The following MDFIC variants were observed in gnomAD, a reference collection of about 807,000 sequenced individuals.
MDFIC encodes MyoD family inhibitor domain containing, also known as myoD family inhibitor domain-containing protein.
MDFIC carries 17 observed loss-of-function variants against 23.2 expected under a neutral mutation model. That is an observed-to-expected ratio of 0.73 (90% CI 0.50 to 1.10). The LOEUF is 1.10. Among genes scored for constraint, MDFIC ranks in the 50% least tolerant of loss-of-function variants. The pLI is 0.00. For synonymous variants in MDFIC, 120 were observed against 115.2 expected (o/e 1.04, Z -0.27); for missense variants, 356 against 316.6 (o/e 1.12, Z -0.95).
At chr7:115,007,991 C>T (rs1382307792) in intron 4 of MDFIC, among the ~76,000 whole-genome samples, 1 of 151,566 alleles carries the variant, frequency 6.6e-6, no homozygotes, top group African/African-American at 2.4e-5. Flanking sequence ...AACTACCGCA[C>T]CCCAGCCTAA....
At chr7:114,983,308 T>C (rs7776532) in intron 4 of MDFIC, among the ~76,000 whole-genome samples, 66,461 of 152,090 alleles carry the variant, frequency 0.44, 14,761 homozygotes, top group Middle Eastern at 0.47. Flanking sequence ...TATCAACAAC[T>C]GGAATAACAT....
intron 4 of MDFIC, among the ~76,000 whole-genome samples, chr7:115,007,068 C>T (rs1449721500): frequency 6.6e-6 from 1 of 152,214 alleles, no homozygotes; most frequent in Non-Finnish European, 1.5e-5. Flanking sequence ...CTTCACTCCT[C>T]TGCAAATTCT....
chr7:114,988,465 G>A (rs183091100), intron 4 of MDFIC, among the ~76,000 whole-genome samples: 9 of 152,256 alleles, frequency 5.9e-5, no homozygotes, highest in East Asian at 5.8e-4. Context: ...AAGTTTGTTC[G>A]TGAGGGATTC....
intron 2 of MDFIC, among the ~76,000 whole-genome samples, chr7:114,936,203 A>G (rs1414744326): frequency 6.6e-6 from 1 of 152,106 alleles, no homozygotes; most frequent in Admixed American, 6.6e-5. Context: ...TGCAGAGTAA[A>G]ACTTGGTGAG....
rs369407740 is a variant in MDFIC, at chr7:114,968,470, C to T, written c.218-11036C>T. Among the ~76,000 whole-genome samples, 163 of 152,218 alleles carry T rather than the reference C, an allele frequency of 1.1e-3. No individual in the cohort carries two copies. In the Middle Eastern group the frequency reaches 0.02, roughly 19 times the overall value. On this transcript the variant is annotated intron_variant, in intron 3 of 4. Transcript: ENST00000393486. ...TGCAAGTTTGGAAACTTTTGTTGCA[C>T]GATTTATCTGAATATTGTTGTTCGA...
chr7:115,007,474 C>T (rs997763741), intron 4 of MDFIC, among the ~76,000 whole-genome samples: 2 of 151,146 alleles, frequency 1.3e-5, no homozygotes, highest in Non-Finnish European at 2.9e-5. Flanking sequence ...CCTTTCTTTC[C>T]CTCCTTTCTG....
chr7:115,015,629 A>G lies in MDFIC; in HGVS notation c.494-59A>G. On this transcript the variant is annotated intron_variant, in intron 4 of 4. Coordinates refer to ENST00000393486, the MANE Select transcript of MDFIC (RefSeq NM_001166345.3). Reference sequence around the variant, plus strand: ...AATTCTTATTGAGTCAATTGATAACACGTATTTTGTGTTCCTCCTTTTTCT... The same window carrying G: ...AATTCTTATTGAGTCAATTGATAACGCGTATTTTGTGTTCCTCCTTTTTCT... 3 of 1,572,214 alleles carry G rather than the reference A, an allele frequency of 1.9e-6. No individual in the cohort carries two copies. In the South Asian group the frequency reaches 3.5e-5, roughly 19 times the overall value.
chr7:114,970,457 A>G (rs1296502436), intron 3 of MDFIC, among the ~76,000 whole-genome samples: 3 of 152,128 alleles, frequency 2.0e-5, no homozygotes, highest in Non-Finnish European at 1.5e-5. Context: ...AATTTGTGTC[A>G]AATAATGATC....
intron 3 of MDFIC, among the ~76,000 whole-genome samples, chr7:114,946,366 A>T (rs1288152582): frequency 6.6e-6 from 1 of 152,084 alleles, no homozygotes; most frequent in African/African-American, 2.4e-5. Flanking sequence ...GTTCCTCTTT[A>T]TAAAGTGCCT....
chr7:115,004,982 T>A (rs1370521567), intron 4 of MDFIC, among the ~76,000 whole-genome samples: 1 of 152,258 alleles, frequency 6.6e-6, no homozygotes, highest in Non-Finnish European at 1.5e-5. Flanking sequence ...AGTCAACTTA[T>A]ATTCCGCATT....
chr7:114,985,287 G>A (rs1353472067), intron 4 of MDFIC, among the ~76,000 whole-genome samples: 1 of 152,076 alleles, frequency 6.6e-6, no homozygotes, highest in African/African-American at 2.4e-5. Flanking sequence ...TGAAGTGTTC[G>A]ATATGTGTTA....
At chr7:114,994,674 G>GC (rs1435686864) in intron 4 of MDFIC, among the ~76,000 whole-genome samples, 1 of 152,088 alleles carries the variant, frequency 6.6e-6, no homozygotes, top group Non-Finnish European at 1.5e-5. Context: ...GTTGAACATT[G>GC]CCCCCCACTC....
At chr7:114,990,678 T>G (rs1198987080) in intron 4 of MDFIC, among the ~76,000 whole-genome samples, 2 of 152,248 alleles carry the variant, frequency 1.3e-5, no homozygotes, top group Admixed American at 6.5e-5. Flanking sequence ...GGACATGAAC[T>G]CATCCTTTTT....
chr7:114,942,788 A>G (rs1048485916), intron 3 of MDFIC, among the ~76,000 whole-genome samples: 1 of 152,070 alleles, frequency 6.6e-6, no homozygotes, highest in Admixed American at 6.6e-5. Flanking sequence ...CTGACTCCAA[A>G]TTTTTTTTAT....
At chr7:114,933,599 G>A (rs1563135813) in intron 2 of MDFIC, among the ~76,000 whole-genome samples, 3 of 152,164 alleles carry the variant, frequency 2.0e-5, no homozygotes, top group East Asian at 3.9e-4. Context: ...GCCAGTTAAG[G>A]GACCTGCTAT....
intron 4 of MDFIC, among the ~76,000 whole-genome samples, chr7:114,986,938 C>T (rs1291244708): frequency 6.6e-6 from 1 of 152,102 alleles, no homozygotes; most frequent in African/African-American, 2.4e-5. Context: ...TATACAAGTT[C>T]AGAAAAAAGT....
intron 4 of MDFIC, among the ~76,000 whole-genome samples, chr7:115,002,863 T>C (rs2594444): frequency 0.99 from 150,286 of 152,300 alleles, 74,180 homozygotes; most frequent in Middle Eastern, 1. Context: ...GTCAGTCTTT[T>C]CTGTCTAAAA....
At chr7:114,931,417 T>C (rs1792306459) in intron 2 of MDFIC, among the ~76,000 whole-genome samples, 1 of 152,200 alleles carries the variant, frequency 6.6e-6, no homozygotes, top group Admixed American at 6.5e-5. Context: ...AAGTCTGAAA[T>C]TAATTTTTAT....
chr7:114,935,299 A>T (rs944307298), intron 2 of MDFIC, among the ~76,000 whole-genome samples: 2 of 152,118 alleles, frequency 1.3e-5, no homozygotes, highest in African/African-American at 4.8e-5. Flanking sequence ...ATGCTCTGTC[A>T]TAGATTATTA....
Sources: gnomAD v4.1 joint callset for allele counts (sites outside exome capture counted in the v4.1 genomes callset) on GRCh38, gnomAD v4.1.1 for gene constraint, MANE v1.5 for transcripts, NCBI Gene and HGNC (gene_info 2026-07-23, HGNC 2026-07-21) for gene names.